CFDP1: variants seen among roughly 807,000 people sequenced by gnomAD.
CFDP1 encodes heterochromatin-stabilizing protein CFDP1.
Under a neutral mutation model 40.1 loss-of-function variants are expected in CFDP1, and 31 were observed. That is an observed-to-expected ratio of 0.77 (90% CI 0.58 to 1.04). CFDP1 has a LOEUF of 1.04. Among genes scored for constraint, CFDP1 ranks in the 50% least tolerant of loss-of-function variants. CFDP1 has a pLI of 0.00. For synonymous variants in CFDP1, 167 were observed against 120.0 expected, an observed-to-expected ratio of 1.39 and a Z score of -2.56; for missense variants, 423 against 343.4, an observed-to-expected ratio of 1.23 and a Z score of -1.83.
chr16:75,414,825 A>G, intron 1 of CFDP1, 130 bp from the exon 2 acceptor site: 1 of 635,530 alleles, frequency 1.6e-6, no homozygotes, highest in Admixed American at 2.7e-5. Context: ...CCTACTCTTC[A>G]CCTAACGAAA....
chr16:75,369,948 A>ATTG (rs1384336298), intron 5 of CFDP1, among the ~76,000 whole-genome samples: 2 of 151,806 alleles, frequency 1.3e-5, no homozygotes, highest in Non-Finnish European at 2.9e-5. Context: ...TATTATTATT[A>ATTG]TTTTTAGTAG....
chr16:75,333,016 C>G (rs909946179), intron 5 of CFDP1, among the ~76,000 whole-genome samples: 2 of 151,842 alleles, frequency 1.3e-5, no homozygotes, highest in African/African-American at 4.8e-5. Context: ...CCATGTTAGC[C>G]AGGCTGGTCT....
intron 5 of CFDP1, among the ~76,000 whole-genome samples, chr16:75,345,214 T>A (rs1213638934): frequency 6.6e-6 from 1 of 152,064 alleles, no homozygotes; most frequent in Admixed American, 6.6e-5. Context: ...CCCAGCACTT[T>A]GGGAGGCCGA....
intron 5 of CFDP1, among the ~76,000 whole-genome samples, chr16:75,315,692 T>A (rs1009904684): frequency 2.0e-5 from 3 of 152,222 alleles, no homozygotes; most frequent in Admixed American, 2.0e-4. Context: ...TCTTTCTATA[T>A]ATAGATTTAC....
In CFDP1 at chr16:75,330,237, G is replaced by A. The variant is rs541505729; in HGVS notation, c.651-25055C>T. Among the ~76,000 whole-genome samples the A allele has an allele frequency of 1.9e-4, 29 of 152,320 alleles. No individual in the cohort carries two copies. The South Asian group carries it at 5.6e-3, about 29-fold the overall frequency. ...ATAAACTGAAATGGGCAAGGCTGTG[G>A]ACTCAATTTAGGTCAGCTGGACCTA... is the stretch of plus-strand genomic sequence containing the variant. On this transcript the variant is annotated intron_variant, in intron 5 of 6. Coordinates refer to ENST00000283882, the MANE Select transcript of CFDP1 (RefSeq NM_006324.3).
chr16:75,305,001 G>T, intron 6 of CFDP1, 23 bp downstream of exon 6: 1 of 1,610,402 alleles, frequency 6.2e-7, no homozygotes, highest in Non-Finnish European at 8.5e-7. Flanking sequence ...ATTTTCCAAG[G>T]CATAAAACCT....
At chr16:75,349,866 T>C (rs2078598408) in intron 5 of CFDP1, among the ~76,000 whole-genome samples, 1 of 151,268 alleles carries the variant, frequency 6.6e-6, no homozygotes, top group African/African-American at 2.4e-5. Context: ...TTTGGATGCC[T>C]CTTGTTTCAT....
chr16:75,294,141 G>T (rs916774171), intron 6 of CFDP1, 99 bp from the exon 7 acceptor site: 2 of 865,066 alleles, frequency 2.3e-6, no homozygotes, highest in Non-Finnish European at 3.8e-6. Flanking sequence ...TACAGTAAAT[G>T]GTGCCGAGAG....
intron 5 of CFDP1, among the ~76,000 whole-genome samples, chr16:75,381,718 C>A (rs2078853776): frequency 6.6e-6 from 1 of 152,122 alleles, no homozygotes; most frequent in Non-Finnish European, 1.5e-5. Context: ...GAGTTAAATA[C>A]TGGACCAGTT....
At chr16:75,370,613 A>C (rs1428101584) in intron 5 of CFDP1, among the ~76,000 whole-genome samples, 1 of 152,164 alleles carries the variant, frequency 6.6e-6, no homozygotes, top group African/African-American at 2.4e-5. Context: ...CTGTAATCCC[A>C]GCACTTTAGG....
chr16:75,359,921 G>A (rs890571220), intron 5 of CFDP1, among the ~76,000 whole-genome samples: 4 of 152,142 alleles, frequency 2.6e-5, no homozygotes, highest in African/African-American at 9.7e-5. Flanking sequence ...ACTCTCCAAA[G>A]AAAGCTGAAA....
chr16:75,432,640 A>T (rs902291171), intron 1 of CFDP1, among the ~76,000 whole-genome samples: 5 of 152,186 alleles, frequency 3.3e-5, no homozygotes, highest in African/African-American at 1.2e-4. Flanking sequence ...TTGTTTGTCT[A>T]GTCTTTCAAC....
chr16:75,358,968 C>A (rs1198176225), intron 5 of CFDP1, among the ~76,000 whole-genome samples: 1 of 152,176 alleles, frequency 6.6e-6, no homozygotes, highest in Non-Finnish European at 1.5e-5. Context: ...CATGCTGTTA[C>A]ATCACTGTTC....
intron 5 of CFDP1, among the ~76,000 whole-genome samples, chr16:75,349,696 T>TATATATATATATATATATATACATAC (rs1209804675): frequency 2.1e-5 from 1 of 47,952 alleles, no homozygotes; most frequent in African/African-American, 1.2e-4. Context: ...AAAAAATATA[T>TATATATATATATATATATATACATAC]ATACATACAT....
At chr16:75,295,763 TG>T (rs1242561972) in intron 6 of CFDP1, among the ~76,000 whole-genome samples, 2 of 152,218 alleles carry the variant, frequency 1.3e-5, no homozygotes, top group Admixed American at 6.5e-5. Flanking sequence ...GCTGCCTGGC[TG>T]AATTCGAACT....
chr16:75,301,536 CTTTTTTTTTTTTT>C (rs546724752), intron 6 of CFDP1, among the ~76,000 whole-genome samples: 10 of 53,942 alleles, frequency 1.9e-4, no homozygotes, highest in East Asian at 7.8e-4. Context: ...TTTGTTGTGT[CTTTTTTTTTTTTT>C]TTTTTTTTTT....
intron 5 of CFDP1, among the ~76,000 whole-genome samples, chr16:75,380,717 A>G (rs1456339205): frequency 1.3e-5 from 2 of 152,212 alleles, no homozygotes; most frequent in South Asian, 4.1e-4. Flanking sequence ...ACTTTCAATT[A>G]TAATATCTGA....
chr16:75,397,535 G>T (rs1232720703), intron 4 of CFDP1, among the ~76,000 whole-genome samples: 1 of 151,136 alleles, frequency 6.6e-6, no homozygotes, highest in Non-Finnish European at 1.5e-5. Flanking sequence ...GGGGGCAGTG[G>T]CTCACGCCTG....
chr16:75,363,974 G>A (rs200466898), intron 5 of CFDP1, among the ~76,000 whole-genome samples: 1 of 44,372 alleles, frequency 2.3e-5, no homozygotes, highest in Non-Finnish European at 6.2e-5. Context: ...CACACACACA[G>A]CCATGCAATT....
Sources: gnomAD v4.1 joint callset for allele counts (sites outside exome capture counted in the v4.1 genomes callset) on GRCh38, gnomAD v4.1.1 for gene constraint, MANE v1.5 for transcripts, NCBI Gene and HGNC (gene_info 2026-07-23, HGNC 2026-07-21) for gene names.